Variants in CHRM2 observed in about 807,000 individuals in gnomAD.
CHRM2 encodes muscarinic acetylcholine receptor M2.
Under a neutral mutation model 25.0 loss-of-function variants are expected in CHRM2, and 8 were observed. The ratio of observed to expected loss-of-function variants is 0.32; its 90% CI spans 0.19 to 0.58. The LOEUF (loss-of-function observed/expected upper bound fraction) is 0.58. Ranked by LOEUF, CHRM2 falls within the 20% of genes least tolerant of loss-of-function variation. The probability of loss-of-function intolerance (pLI) is 0.88; values close to 1 mark genes in which losing one functional copy is unlikely to be tolerated. For missense variants in CHRM2, 440 were observed against 567.1 expected (o/e 0.78, Z 2.28); for synonymous variants, 202 against 205.7 (o/e 0.98, Z 0.15).
intron 2 of CHRM2, among the ~76,000 whole-genome samples, chr7:136,937,425 T>A (rs1181522709): frequency 6.6e-6 from 1 of 152,226 alleles, no homozygotes; most frequent in Non-Finnish European, 1.5e-5. Flanking sequence ...TAATTATTTT[T>A]CTCAGATCTA....
rs192003252 is a variant in CHRM2, at chr7:136,895,691, C to T, written c.-125+26273C>T. 1.9e-4 allele frequency among the ~76,000 whole-genome samples: 29 copies of T among 152,262 alleles called. No individual in the cohort carries two copies. In the East Asian group the frequency reaches 5.6e-3, roughly 29 times the overall value. ...CATTTAAACTTTCTTGCTACTAAACCCTCCTCACCCTACTCCTCGCTTCTA... is the reference window on the plus strand; with the variant it reads ...CATTTAAACTTTCTTGCTACTAAACTCTCCTCACCCTACTCCTCGCTTCTA... On this transcript the variant is annotated intron_variant, in intron 2 of 3. Coordinates refer to ENST00000680005, the MANE Select transcript of CHRM2 (RefSeq NM_001006630.2).
At chr7:136,970,841 C>T (rs1801717534) in intron 2 of CHRM2, among the ~76,000 whole-genome samples, 1 of 152,146 alleles carries the variant, frequency 6.6e-6, no homozygotes, top group African/African-American at 2.4e-5. Flanking sequence ...TCACTAGTGA[C>T]TCAGAGATTT....
chr7:136,950,973 AT>A (rs907946509), intron 2 of CHRM2: 2 of 151,992 alleles, frequency 1.3e-5, no homozygotes, highest in Non-Finnish European at 1.5e-5. Context: ...TGTCCGGCTA[AT>A]TTTTTTTATT....
At chr7:136,895,519 A>G (rs1169262930) in intron 2 of CHRM2, among the ~76,000 whole-genome samples, 1 of 152,156 alleles carries the variant, frequency 6.6e-6, no homozygotes, top group African/African-American at 2.4e-5. Flanking sequence ...TCTTTTGGCC[A>G]TGCTGTTTCT....
At chr7:136,903,643 C>A (rs935187209) in intron 2 of CHRM2, among the ~76,000 whole-genome samples, 5 of 151,882 alleles carry the variant, frequency 3.3e-5, no homozygotes, top group African/African-American at 1.2e-4. Context: ...TATTGGATTT[C>A]TAAAGTTGGT....
intron 2 of CHRM2, among the ~76,000 whole-genome samples, chr7:136,880,024 C>T (rs1313830760): frequency 6.6e-6 from 1 of 150,778 alleles, no homozygotes; most frequent in Non-Finnish European, 1.5e-5. Flanking sequence ...GTGCAAGTTC[C>T]CGTGGTCCAT....
intron 2 of CHRM2, among the ~76,000 whole-genome samples, chr7:136,978,466 T>C (rs376401013): frequency 5.9e-4 from 90 of 152,322 alleles, no homozygotes; most frequent in African/African-American, 2.0e-3. Context: ...CTTTTTTTTA[T>C]TGTACTTTAA....
intron 3 of CHRM2, among the ~76,000 whole-genome samples, chr7:137,007,239 AG>A (rs1299493074): frequency 6.6e-6 from 1 of 152,120 alleles, no homozygotes; most frequent in Non-Finnish European, 1.5e-5. Context: ...TTGTTGTTTT[AG>A]AAAATTGGAA....
Position 136,896,657 on chromosome 7 carries a change from C to T in CHRM2, c.-125+27239C>T, listed in dbSNP as rs902458664. Among the ~76,000 whole-genome samples, 9 of 152,100 alleles carry T rather than the reference C, an allele frequency of 5.9e-5. No individual in the cohort carries two copies. The East Asian group carries it at 1.5e-3, about 26-fold the overall frequency. On this transcript the variant is annotated intron_variant, in intron 2 of 3. Coordinates refer to ENST00000680005, the MANE Select transcript of CHRM2 (RefSeq NM_001006630.2). ...AAACATCTTTCATGACCCTAAATAACACCTTTAGGATCACGCAATCTCAGC... is the reference window on the plus strand; with the variant it reads ...AAACATCTTTCATGACCCTAAATAATACCTTTAGGATCACGCAATCTCAGC...
At chr7:136,919,803 C>T (rs990529973) in intron 2 of CHRM2, among the ~76,000 whole-genome samples, 1 of 152,278 alleles carries the variant, frequency 6.6e-6, no homozygotes, top group Non-Finnish European at 1.5e-5. Flanking sequence ...TAAGCTTCTT[C>T]TGACTTGTTA....
chr7:136,922,343 T>C (rs1239376288), intron 2 of CHRM2, among the ~76,000 whole-genome samples: 3 of 152,198 alleles, frequency 2.0e-5, no homozygotes. Flanking sequence ...GTAATAACAT[T>C]TTTTTAAGTA....
intron 2 of CHRM2, among the ~76,000 whole-genome samples, chr7:136,975,904 C>T (rs561509001): frequency 1.8e-4 from 28 of 152,188 alleles, no homozygotes; most frequent in Middle Eastern, 3.4e-3. Context: ...ATGGTGTTCT[C>T]GTTCATATTT....
At chr7:136,987,684 C>A (rs1207975632) in intron 2 of CHRM2, among the ~76,000 whole-genome samples, 2 of 152,166 alleles carry the variant, frequency 1.3e-5, no homozygotes, top group African/African-American at 2.4e-5. Flanking sequence ...TATACGGAGG[C>A]AAGGATGCGT....
At chr7:136,999,399 C>A (rs1190270569) in intron 3 of CHRM2, among the ~76,000 whole-genome samples, 1 of 151,952 alleles carries the variant, frequency 6.6e-6, no homozygotes, top group African/African-American at 2.4e-5. Flanking sequence ...TATTTTACTT[C>A]TTTTTTTAAT....
intron 3 of CHRM2, among the ~76,000 whole-genome samples, chr7:137,008,584 G>A (rs951614361): frequency 6.6e-6 from 1 of 151,972 alleles, no homozygotes; most frequent in Admixed American, 6.6e-5. Context: ...ATGGTTGAAA[G>A]GTGGGCAAGA....
At chr7:136,991,903 T>C (rs150436059) in intron 2 of CHRM2, among the ~76,000 whole-genome samples, 1 of 152,296 alleles carries the variant, frequency 6.6e-6, no homozygotes, top group Non-Finnish European at 1.5e-5. Flanking sequence ...TGAAGGCCTT[T>C]ACTCAGACCA....
chr7:136,958,646 G>A (rs995252610), intron 2 of CHRM2, among the ~76,000 whole-genome samples: 1 of 151,594 alleles, frequency 6.6e-6, no homozygotes, highest in African/African-American at 2.4e-5. Context: ...CTATAGAGAT[G>A]GAGTTTCACC....
intron 2 of CHRM2, among the ~76,000 whole-genome samples, chr7:136,964,080 A>C (rs1801262864): frequency 6.6e-6 from 1 of 152,174 alleles, no homozygotes; most frequent in South Asian, 2.1e-4. Context: ...GGTCCATACA[A>C]ATTCACCAAA....
intron 2 of CHRM2, among the ~76,000 whole-genome samples, chr7:136,942,156 A>C (rs1799810119): frequency 6.6e-6 from 1 of 152,126 alleles, no homozygotes; most frequent in Non-Finnish European, 1.5e-5. Context: ...ACATTAACAG[A>C]GTAGGATAAA....
Sources: gnomAD v4.1 joint callset for allele counts (sites outside exome capture counted in the v4.1 genomes callset) on GRCh38, gnomAD v4.1.1 for gene constraint, MANE v1.5 for transcripts, NCBI Gene and HGNC (gene_info 2026-07-23, HGNC 2026-07-21) for gene names.